The following IGSF10 variants were observed in gnomAD, a reference collection of about 807,000 sequenced individuals.
IGSF10 encodes immunoglobulin superfamily member 10.
IGSF10 carries 126 observed loss-of-function variants against 128.2 expected under a neutral mutation model. The observed-to-expected ratio is 0.98, with a 90% confidence interval of 0.85 to 1.14. IGSF10 has a LOEUF of 1.14. Among genes scored for constraint, IGSF10 ranks in the 50% most tolerant of loss-of-function variants. The pLI, the probability that IGSF10 is intolerant of heterozygous loss-of-function variation, is 0.00. For missense variants in IGSF10, 3,295 were observed against 3,149.8 expected (o/e 1.05, Z -1.10); for synonymous variants, 1,185 against 1,146.2 (o/e 1.03, Z -0.68).
chr3:151,544,017 C>T, the IGSF10 span, among the ~76,000 whole-genome samples: 1 of 152,194 alleles, frequency 6.6e-6, no homozygotes, highest in Non-Finnish European at 1.5e-5. Flanking sequence ...TCAAGCAATT[C>T]TCCTGCCTCA....
chr3:151,454,764 C>T (rs1242227283), intron 4 of IGSF10, among the ~76,000 whole-genome samples: 3 of 151,928 alleles, frequency 2.0e-5, no homozygotes, highest in Admixed American at 2.0e-4. Context: ...GAGGCTGAGG[C>T]GGGCAGATCA....
At chr3:151,619,472 GTA>G in the IGSF10 span, among the ~76,000 whole-genome samples, 9 of 134,766 alleles carry the variant, frequency 6.7e-5, no homozygotes, top group East Asian at 6.8e-4. Flanking sequence ...GTGTGTGTGT[GTA>G]TGTAGTGGAA....
chr3:151,454,024 T>C (rs1721655772), intron 4 of IGSF10, among the ~76,000 whole-genome samples: 1 of 149,452 alleles, frequency 6.7e-6, no homozygotes, highest in East Asian at 1.9e-4. Flanking sequence ...TTTTTCTTTT[T>C]TTTTTTTTTT....
the IGSF10 span, among the ~76,000 whole-genome samples, chr3:151,508,996 A>G: frequency 6.6e-6 from 1 of 152,210 alleles, no homozygotes; most frequent in Non-Finnish European, 1.5e-5. Flanking sequence ...AGTCATTTCC[A>G]CAGTTAATTG....
At chr3:151,516,469 G>A in the IGSF10 span, among the ~76,000 whole-genome samples, 1 of 152,054 alleles carries the variant, frequency 6.6e-6, no homozygotes, top group African/African-American at 2.4e-5. Flanking sequence ...AGCCTTATAT[G>A]TGGATAAACT....
chr3:151,539,662 C>G, the IGSF10 span, among the ~76,000 whole-genome samples: 2 of 152,100 alleles, frequency 1.3e-5, no homozygotes, highest in Admixed American at 6.6e-5. Flanking sequence ...CGACCACCCC[C>G]ACCTCCAACA....
At position 151,447,349 on chromosome 3, in the gene IGSF10, T is replaced by A. The variant is rs1006194245; in HGVS notation, c.2632A>T (p.Met878Leu). The A allele has an allele frequency of 1.9e-6, 3 of 1,614,076 alleles. No homozygotes were observed. The African/African-American group carries it at 4.0e-5, about 22-fold the overall frequency. ...GTTGTGCCTTGTATTTGGCTTGACATGGTTGGGTTTATATTCTTTGACATG... is the reference window on the plus strand; with the variant it reads ...GTTGTGCCTTGTATTTGGCTTGACAAGGTTGGGTTTATATTCTTTGACATG... ...TAMSKNINPT[M>L]SSQIQGTTNQ... The change falls in exon 6 of 8, where the codon ATG becomes TTG. Residue 878 changes from methionine to leucine, a missense_variant. By Grantham distance (15) the Met-to-Leu change is conservative. Transcript: ENST00000282466.
chr3:151,593,105 G>A, the IGSF10 span, among the ~76,000 whole-genome samples: 1 of 152,062 alleles, frequency 6.6e-6, no homozygotes, highest in Non-Finnish European at 1.5e-5. Context: ...CAATTAGCAT[G>A]TAAAAAATGG....
At position 151,445,682 on chromosome 3, in the gene IGSF10, C is replaced by T. The variant is rs536543167; in HGVS notation, c.4299G>A (p.Lys1433=). 1 of 1,614,174 alleles carries T rather than the reference C, an allele frequency of 6.2e-7. No individual in the cohort carries two copies. Among genetic ancestry groups the T allele is most frequent in the African/African-American group, 1.3e-5 (1 of 75,048 alleles). ...AAGTTGTTTCAGAAGCAATTGTGCT[C>T]TTCAAAGTCTGAGTACTTGCTTGGG... ...ELAQASTQTL[K]STIASETTLS... The change falls in exon 6 of 8, where the codon AAG becomes AAA. Residue 1433 remains lysine, a synonymous_variant. Coordinates refer to ENST00000282466, the MANE Select transcript of IGSF10 (RefSeq NM_178822.5).
intron 4 of IGSF10, among the ~76,000 whole-genome samples, chr3:151,456,537 T>G (rs931758348): frequency 6.6e-6 from 1 of 152,250 alleles, no homozygotes; most frequent in Non-Finnish European, 1.5e-5. Flanking sequence ...TACCTTTTAC[T>G]TTCTCACTTA....
chr3:151,584,995 T>A, the IGSF10 span, among the ~76,000 whole-genome samples: 3 of 152,212 alleles, frequency 2.0e-5, no homozygotes, highest in East Asian at 5.8e-4. Flanking sequence ...ATTTTCTGAT[T>A]ATATGTCCTT....
At chr3:151,578,538 A>G in the IGSF10 span, among the ~76,000 whole-genome samples, 1 of 152,228 alleles carries the variant, frequency 6.6e-6, no homozygotes, top group African/African-American at 2.4e-5. Context: ...GCTCTTCTCT[A>G]TGGACCTCAT....
the IGSF10 span, among the ~76,000 whole-genome samples, chr3:151,508,406 G>A: frequency 5.3e-5 from 8 of 151,902 alleles, no homozygotes; most frequent in Non-Finnish European, 1.0e-4. Context: ...GCATTAATAA[G>A]ACAAAGTATT....
chr3:151,497,983 T>A, the IGSF10 span, among the ~76,000 whole-genome samples: 1 of 152,090 alleles, frequency 6.6e-6, no homozygotes, highest in Non-Finnish European at 1.5e-5. Flanking sequence ...CTGTCTGTTA[T>A]TGGTGTATAA....
the IGSF10 span, among the ~76,000 whole-genome samples, chr3:151,521,149 G>A: frequency 6.6e-6 from 1 of 151,842 alleles, no homozygotes; most frequent in Non-Finnish European, 1.5e-5. Flanking sequence ...TTACATAATG[G>A]TAAAGGGTTC....
At chr3:151,484,729 C>CAAAAAAAA in the IGSF10 span, among the ~76,000 whole-genome samples, 4 of 131,610 alleles carry the variant, frequency 3.0e-5, no homozygotes, top group Non-Finnish European at 3.2e-5. Context: ...GGAAAACTGA[C>CAAAAAAAA]AAAAAAAAAA....
the IGSF10 span, among the ~76,000 whole-genome samples, chr3:151,495,819 G>A: frequency 2.6e-5 from 4 of 152,078 alleles, no homozygotes; most frequent in South Asian, 8.3e-4. Context: ...GAACTATTTA[G>A]ACACAATCTT....
chr3:151,595,504 A>C, the IGSF10 span, among the ~76,000 whole-genome samples: 1 of 149,022 alleles, frequency 6.7e-6, no homozygotes, highest in South Asian at 2.1e-4. Context: ...ATATATTTAT[A>C]ATAGCATCAA....
At chr3:151,479,777 G>C in the IGSF10 span, among the ~76,000 whole-genome samples, 2 of 152,126 alleles carry the variant, frequency 1.3e-5, no homozygotes, top group African/African-American at 4.8e-5. Context: ...TGAAAGGTCT[G>C]CAAACAGACA....
Sources: gnomAD v4.1 joint callset for allele counts (sites outside exome capture counted in the v4.1 genomes callset) on GRCh38, gnomAD v4.1.1 for gene constraint, MANE v1.5 for transcripts, NCBI Gene and HGNC (gene_info 2026-07-23, HGNC 2026-07-21) for gene names.